The following FAM13A variants were observed in gnomAD, a reference collection of about 807,000 sequenced individuals.
FAM13A encodes the protein family with sequence similarity 13 member A.
Under a neutral mutation model 129.6 loss-of-function variants are expected in FAM13A, and 76 were observed. That is an observed-to-expected ratio of 0.59 (90% confidence interval 0.49 to 0.71). FAM13A has a LOEUF of 0.71. Among genes scored for constraint, FAM13A ranks in the 30% least tolerant of loss-of-function variants. FAM13A has a pLI of 0.00. For synonymous variants in FAM13A, 443 were observed against 449.9 expected, an observed-to-expected ratio of 0.98 and a Z score of 0.20; for missense variants, 1,108 against 1,249.3, an observed-to-expected ratio of 0.89 and a Z score of 1.70.
chr4:88,778,732 A>G (rs1198185295), intron 11 of FAM13A, among the ~76,000 whole-genome samples: 1 of 152,218 alleles, frequency 6.6e-6, no homozygotes, highest in Non-Finnish European at 1.5e-5. Flanking sequence ...ATGGCTTCTC[A>G]TCTCACCCAG....
chr4:88,989,933 G>C (rs1246919557), intron 4 of FAM13A: 2 of 152,072 alleles, frequency 1.3e-5, no homozygotes, highest in Non-Finnish European at 2.9e-5. Context: ...AAGGTTTACT[G>C]GGCAGAACAA....
At chr4:88,730,904 A>G (rs1344841582) in intron 23 of FAM13A, among the ~76,000 whole-genome samples, 1 of 152,134 alleles carries the variant, frequency 6.6e-6, no homozygotes, top group Non-Finnish European at 1.5e-5. Flanking sequence ...GGGTTCAAGC[A>G]ATCCTCCTGC....
At chr4:88,891,638 T>C (rs1745341335) in intron 6 of FAM13A, among the ~76,000 whole-genome samples, 1 of 152,160 alleles carries the variant, frequency 6.6e-6, no homozygotes, top group Non-Finnish European at 1.5e-5. Context: ...AGTGATACAA[T>C]CTTGGTTGAA....
At chr4:88,734,579 G>T (rs1738585857) in intron 21 of FAM13A, among the ~76,000 whole-genome samples, 1 of 152,218 alleles carries the variant, frequency 6.6e-6, no homozygotes, top group African/African-American at 2.4e-5. Context: ...ATGAGTCAGG[G>T]CCATATGCCA....
chr4:88,790,795 A>G (rs1485055056), intron 8 of FAM13A, among the ~76,000 whole-genome samples, 168 bp from the exon 9 acceptor site: 1 of 152,124 alleles, frequency 6.6e-6, no homozygotes, highest in Non-Finnish European at 1.5e-5. Flanking sequence ...TTGTTTCTAG[A>G]AATGGAGATG....
At position 88,732,188 on chromosome 4, in the gene FAM13A, T is replaced by C; in HGVS notation, c.2657A>G (p.Glu886Gly). ...CACATTGCTATCGTCTTCTGACCCC[T>C]CCTCTTCTTCCTGGAGATACACAGC... Reference protein sequence around the residue: ...SFFKEIKEEEEGSEDDSNVKP... With the variant: ...SFFKEIKEEEGGSEDDSNVKP... Residue 886 changes from glutamate to glycine, a missense_variant, in exon 22 of 24, where the codon GAG becomes GGG. Glu to Gly is a moderately conservative substitution (Grantham distance 98, BLOSUM62 -2). Coordinates refer to ENST00000264344, the MANE Select transcript of FAM13A (RefSeq NM_014883.4). 1 of 1,605,354 alleles carries C rather than the reference T, an allele frequency of 6.2e-7. No individual in the cohort carries two copies. Among genetic ancestry groups the C allele is most frequent in the South Asian group, 1.1e-5 (1 of 89,434 alleles).
chr4:88,920,727 A>G (rs1309275175), intron 5 of FAM13A, among the ~76,000 whole-genome samples: 1 of 152,208 alleles, frequency 6.6e-6, no homozygotes, highest in Non-Finnish European at 1.5e-5. Flanking sequence ...TTGAGAGAAG[A>G]AGGCTTCAGA....
At chr4:88,732,317 C>T in intron 21 of FAM13A, 119 bp from the exon 22 acceptor site, 1 of 661,870 alleles carries the variant, frequency 1.5e-6, no homozygotes, top group Non-Finnish European at 2.6e-6. Flanking sequence ...TCTGTATCTA[C>T]ATTTAGCAAC....
chr4:89,031,638 A>T (rs17014954), intron 1 of FAM13A, among the ~76,000 whole-genome samples: 2,238 of 152,288 alleles, frequency 0.015, 59 homozygotes, highest in African/African-American at 0.051. Flanking sequence ...AGGAATTATT[A>T]TTCTGATTTC....
chr4:88,919,785 C>A (rs1750712810), intron 5 of FAM13A, among the ~76,000 whole-genome samples: 1 of 152,252 alleles, frequency 6.6e-6, no homozygotes, highest in Non-Finnish European at 1.5e-5. Flanking sequence ...AGGGAGTTCC[C>A]TTTCCTAGTC....
chr4:88,768,250 A>G (rs933830219), intron 11 of FAM13A, 191 bp from the exon 12 acceptor site: 1 of 447,790 alleles, frequency 2.2e-6, no homozygotes, highest in African/African-American at 2.0e-5. Flanking sequence ...AGAATTGTGT[A>G]TTGAACTTCT....
intron 7 of FAM13A, among the ~76,000 whole-genome samples, chr4:88,813,790 CT>C (rs1730126563): frequency 6.6e-6 from 1 of 152,132 alleles, no homozygotes; most frequent in African/African-American, 2.4e-5. Flanking sequence ...CTTTCCGCTG[CT>C]TTTTAGGATG....
intron 19 of FAM13A, among the ~76,000 whole-genome samples, chr4:88,744,861 T>C (rs1740977684): frequency 6.6e-6 from 1 of 152,118 alleles, no homozygotes; most frequent in African/African-American, 2.4e-5. Context: ...GACACTCAAA[T>C]TTCCTAGAGC....
At chr4:88,909,227 C>G (rs1232343156) in intron 5 of FAM13A, among the ~76,000 whole-genome samples, 2 of 152,024 alleles carry the variant, frequency 1.3e-5, no homozygotes, top group Non-Finnish European at 2.9e-5. Context: ...ATAAACAAGA[C>G]ATGGTATAGT....
chr4:88,807,111 T>C (rs1328325204), intron 7 of FAM13A, among the ~76,000 whole-genome samples: 1 of 152,194 alleles, frequency 6.6e-6, no homozygotes, highest in Non-Finnish European at 1.5e-5. Flanking sequence ...CTCTAACATG[T>C]AGCAAACTGA....
intron 6 of FAM13A, among the ~76,000 whole-genome samples, chr4:88,878,287 CAAAAAAAAAAA>C (rs56067813): frequency 2.9e-4 from 18 of 61,064 alleles, no homozygotes; most frequent in African/African-American, 8.7e-4. Context: ...GACTCCATCT[CAAAAAAAAAAA>C]AAAAAAAAAA....
intron 4 of FAM13A, among the ~76,000 whole-genome samples, chr4:88,942,569 AAAAT>A (rs1204926917): frequency 1.3e-5 from 2 of 150,226 alleles, no homozygotes. Flanking sequence ...TCCATCTCAA[AAAAT>A]AAATAAATAA....
intron 3 of FAM13A, among the ~76,000 whole-genome samples, chr4:88,993,401 A>G (rs1763159923): frequency 1.3e-5 from 2 of 152,210 alleles, no homozygotes; most frequent in African/African-American, 4.8e-5. Context: ...TCTGATTGTC[A>G]GCATTTAAAG....
At chr4:88,869,909 G>A (rs1421035996) in intron 6 of FAM13A, among the ~76,000 whole-genome samples, 2 of 152,142 alleles carry the variant, frequency 1.3e-5, no homozygotes, top group Non-Finnish European at 2.9e-5. Context: ...AAATCAATAT[G>A]TGCCCAGATG....
Sources: gnomAD v4.1 joint callset for allele counts (sites outside exome capture counted in the v4.1 genomes callset) on GRCh38, gnomAD v4.1.1 for gene constraint, MANE v1.5 for transcripts, NCBI Gene and HGNC (gene_info 2026-07-23, HGNC 2026-07-21) for gene names.